The following CHST8 variants were observed in gnomAD, a reference collection of about 807,000 sequenced individuals.
CHST8 encodes the protein carbohydrate sulfotransferase 8.
CHST8 carries 10 observed loss-of-function variants against 15.0 expected under a neutral mutation model. That is an observed-to-expected ratio of 0.67 (90% CI 0.41 to 1.13). The LOEUF is 1.13. CHST8 is among the 50% of genes most tolerant of loss of function. The pLI, the probability that CHST8 is intolerant of heterozygous loss-of-function variation, is 0.00. For missense variants in CHST8, 634 were observed against 608.2 expected (o/e 1.04, Z -0.45); for synonymous variants, 259 against 256.6 (o/e 1.01, Z -0.09).
chr19:33,649,058 T>C (rs1292351417), intron 1 of CHST8, among the ~76,000 whole-genome samples: 2 of 151,740 alleles, frequency 1.3e-5, no homozygotes, highest in Non-Finnish European at 2.9e-5. Context: ...CGCCCGCAAC[T>C]AAGCCCGGCT....
At chr19:33,686,569 G>A (rs543200333) in intron 2 of CHST8, among the ~76,000 whole-genome samples, 25 of 152,136 alleles carry the variant, frequency 1.6e-4, no homozygotes, top group Non-Finnish European at 2.9e-4. Flanking sequence ...ATCAGGTAGA[G>A]CCTGATATTG....
chr19:33,648,670 T>C (rs1023592422), intron 1 of CHST8, among the ~76,000 whole-genome samples: 1 of 152,142 alleles, frequency 6.6e-6, no homozygotes, highest in African/African-American at 2.4e-5. Context: ...AGGTTAAGCA[T>C]AGATTTACCA....
At chr19:33,660,301 T>C (rs1471489718) in intron 1 of CHST8, among the ~76,000 whole-genome samples, 1 of 152,240 alleles carries the variant, frequency 6.6e-6, no homozygotes, top group Non-Finnish European at 1.5e-5. Context: ...ACTTCCTTCC[T>C]TAGCTCCAGC....
At chr19:33,659,227 G>A (rs972580956) in intron 1 of CHST8, among the ~76,000 whole-genome samples, 6 of 151,834 alleles carry the variant, frequency 4.0e-5, no homozygotes, top group African/African-American at 1.2e-4. Context: ...CACCACACCC[G>A]GCTAATTTTG....
At chr19:33,639,676 G>A (rs964068476) in intron 1 of CHST8, among the ~76,000 whole-genome samples, 2 of 152,008 alleles carry the variant, frequency 1.3e-5, no homozygotes, top group East Asian at 1.9e-4. Flanking sequence ...TCTTGGGACC[G>A]GGAGAGGAAG....
At chr19:33,626,660 C>T (rs894643723) in intron 1 of CHST8, among the ~76,000 whole-genome samples, 4 of 152,156 alleles carry the variant, frequency 2.6e-5, no homozygotes, top group Admixed American at 6.5e-5. Flanking sequence ...CGGCACACAC[C>T]GGCTCCTCTT....
chr19:33,697,996 G>A (rs11881651), intron 3 of CHST8, among the ~76,000 whole-genome samples: 2,549 of 152,288 alleles, frequency 0.017, 73 homozygotes, highest in African/African-American at 0.058. Flanking sequence ...GCTCATTCTG[G>A]GCTGGGCGCA....
At chr19:33,669,152 C>T (rs1972701790) in intron 2 of CHST8, among the ~76,000 whole-genome samples, 1 of 152,214 alleles carries the variant, frequency 6.6e-6, no homozygotes, top group Non-Finnish European at 1.5e-5. Flanking sequence ...CCCACAGACA[C>T]ACATACGCAT....
chr19:33,659,189 C>T (rs894820742), intron 1 of CHST8, among the ~76,000 whole-genome samples: 3 of 151,702 alleles, frequency 2.0e-5, no homozygotes, highest in African/African-American at 7.3e-5. Context: ...CCTCAGCCTC[C>T]CGAGTAGCTG....
intron 1 of CHST8, among the ~76,000 whole-genome samples, chr19:33,633,774 CGTGTGTGT>C (rs55655047): frequency 0.013 from 1,766 of 141,142 alleles, 40 homozygotes; most frequent in African/African-American, 0.038. Flanking sequence ...TTTTCTTTTT[CGTGTGTGT>C]GTGTGTGTGT....
intron 3 of CHST8, among the ~76,000 whole-genome samples, chr19:33,771,124 C>G (rs113770913): frequency 7.9e-5 from 12 of 152,184 alleles, no homozygotes; most frequent in African/African-American, 2.7e-4. Context: ...CACACCTGGG[C>G]AGGGTGCCTT....
At chr19:33,639,229 G>C (rs1972246490) in intron 1 of CHST8, among the ~76,000 whole-genome samples, 1 of 152,008 alleles carries the variant, frequency 6.6e-6, no homozygotes, top group Admixed American at 6.6e-5. Flanking sequence ...AAAGATTAAT[G>C]TACAGTTAAA....
At chr19:33,673,910 C>T (rs892667287) in intron 2 of CHST8, among the ~76,000 whole-genome samples, 2 of 152,274 alleles carry the variant, frequency 1.3e-5, no homozygotes, top group Non-Finnish European at 2.9e-5. Flanking sequence ...CGCGCCATCA[C>T]ATCTGGCTAA....
intron 3 of CHST8, among the ~76,000 whole-genome samples, chr19:33,757,481 A>AG: frequency 1.9e-5 from 1 of 51,916 alleles, no homozygotes; most frequent in Non-Finnish European, 3.9e-5. Flanking sequence ...AAAGAAAGAA[A>AG]GAAAGAAAGA....
intron 3 of CHST8, among the ~76,000 whole-genome samples, chr19:33,738,659 G>A (rs1390426154): frequency 2.6e-5 from 4 of 151,970 alleles, no homozygotes; most frequent in Admixed American, 2.6e-4. Flanking sequence ...GTACGACCTC[G>A]GCTCACTGCA....
chr19:33,635,384 C>CCCAA (rs2145440470), intron 1 of CHST8, among the ~76,000 whole-genome samples: 1 of 152,268 alleles, frequency 6.6e-6, no homozygotes, highest in South Asian at 2.1e-4. Context: ...TTTTGAGACC[C>CCCAA]AGTCACTGCC....
intron 1 of CHST8, among the ~76,000 whole-genome samples, chr19:33,655,326 C>T (rs941989584): frequency 3.9e-5 from 6 of 152,172 alleles, no homozygotes; most frequent in Admixed American, 1.3e-4. Context: ...CATGAGCCAC[C>T]GCGCCCAGCC....
chr19:33,645,257 G>A (rs1164642436), intron 1 of CHST8, among the ~76,000 whole-genome samples: 1 of 152,202 alleles, frequency 6.6e-6, no homozygotes. Context: ...GGACAGAGAT[G>A]TGGGCCCTGC....
Position 33,689,329 on chromosome 19 carries a change from C to A in CHST8, c.68C>A (p.Ala23Glu). ...MFSSILLFGA[A>E]GLLLFISLQD... ...TCTTCCATCCTGCTGTTCGGAGCTG[C>A]AGGCCTCCTCCTCTTCATCAGCCTG... is the stretch of plus-strand genomic sequence containing the variant. The change falls in exon 3 of 5, where the codon GCA becomes GAA. Residue 23 changes from alanine to glutamate, a missense_variant. Transcript: ENST00000650847. 6.2e-7 allele frequency: 1 copy of A among 1,609,786 alleles called. No individual in the cohort carries two copies. The highest frequency in any genetic ancestry group is 2.2e-5 in the East Asian group (1 of 44,596).
Sources: gnomAD v4.1 joint callset for allele counts (sites outside exome capture counted in the v4.1 genomes callset) on GRCh38, gnomAD v4.1.1 for gene constraint, MANE v1.5 for transcripts, NCBI Gene and HGNC (gene_info 2026-07-23, HGNC 2026-07-21) for gene names.